The following ITGA9 variants were observed in gnomAD, a reference collection of about 807,000 sequenced individuals.
The protein encoded by ITGA9 is integrin alpha-9.
ITGA9 carries 56 observed loss-of-function variants against 127.8 expected under a neutral mutation model. That is an observed-to-expected ratio of 0.44 (90% confidence interval 0.35 to 0.55). The LOEUF (loss-of-function observed/expected upper bound fraction) is 0.55, where lower values mean the gene tolerates loss of function less well. ITGA9 is among the 20% of genes least tolerant of loss of function. The pLI, the probability that ITGA9 is intolerant of heterozygous loss-of-function variation, is 0.00. For synonymous variants in ITGA9, 508 were observed against 514.5 expected, an observed-to-expected ratio of 0.99 and a Z score of 0.17; for missense variants, 1,196 against 1,347.1, an observed-to-expected ratio of 0.89 and a Z score of 1.76.
chr3:37,746,543 C>G (rs752518118), intron 22 of ITGA9, among the ~76,000 whole-genome samples: 2 of 152,192 alleles, frequency 1.3e-5, no homozygotes, highest in Non-Finnish European at 2.9e-5. Context: ...AATACAAGCT[C>G]TCCTGTCCTC....
chr3:37,567,927 C>G (rs755513576), intron 15 of ITGA9, among the ~76,000 whole-genome samples: 1 of 152,140 alleles, frequency 6.6e-6, no homozygotes, highest in East Asian at 1.9e-4. Context: ...GTTGGTGGAT[C>G]TACCATTCTA....
At chr3:37,812,024 C>G (rs1402312564) in intron 27 of ITGA9, among the ~76,000 whole-genome samples, 2 of 152,216 alleles carry the variant, frequency 1.3e-5, no homozygotes, top group African/African-American at 4.8e-5. Flanking sequence ...GGCAACCCCT[C>G]CAGAGGTCAC....
chr3:37,591,220 A>G (rs985940583), intron 15 of ITGA9, among the ~76,000 whole-genome samples: 2 of 152,128 alleles, frequency 1.3e-5, no homozygotes, highest in African/African-American at 4.8e-5. Flanking sequence ...CCTTTTCATC[A>G]TGTCTGTGTG....
At chr3:37,540,779 C>T (rs949337183) in intron 14 of ITGA9, among the ~76,000 whole-genome samples, 2 of 152,208 alleles carry the variant, frequency 1.3e-5, no homozygotes, top group African/African-American at 4.8e-5. Flanking sequence ...GTGACACTTG[C>T]ACAGGTGCCA....
At chr3:37,709,062 G>A (rs1455099223) in intron 18 of ITGA9, among the ~76,000 whole-genome samples, 1 of 151,990 alleles carries the variant, frequency 6.6e-6, no homozygotes, top group Non-Finnish European at 1.5e-5. Flanking sequence ...TTTTTTTAAT[G>A]CTGCCTCAAT....
intron 15 of ITGA9, among the ~76,000 whole-genome samples, chr3:37,600,461 A>AG (rs1699912104): frequency 6.6e-6 from 1 of 151,956 alleles, no homozygotes; most frequent in Non-Finnish European, 1.5e-5. Context: ...AGCCCCACAC[A>AG]TACTCTTTGT....
At position 37,533,475 on chromosome 3, in the gene ITGA9, A is replaced by G; in HGVS notation, c.1528+7A>G. The G allele has an allele frequency of 1.2e-6, 2 of 1,613,952 alleles. No individual in the cohort carries two copies. Among genetic ancestry groups the G allele is most frequent in the Non-Finnish European group, 1.7e-6 (2 of 1,179,984 alleles). On this transcript the variant is annotated splice_region_variant and intron_variant, in intron 14 of 27. Coordinates refer to ENST00000264741, the MANE Select transcript of ITGA9 (RefSeq NM_002207.3). ...CACGTTCCAGGAGAGATTGGTAATG[A>G]GCCACCAAGTCAGGGCTCAGGATAC...
At chr3:37,513,709 T>C in intron 8 of ITGA9, 54 bp from the exon 9 acceptor site, 2 of 1,606,326 alleles carry the variant, frequency 1.2e-6, no homozygotes, top group Non-Finnish European at 1.7e-6. Flanking sequence ...AGCGAGGGCA[T>C]CCTTGTGTGA....
chr3:37,588,968 G>C (rs913766194), intron 15 of ITGA9, among the ~76,000 whole-genome samples: 1 of 152,202 alleles, frequency 6.6e-6, no homozygotes, highest in Non-Finnish European at 1.5e-5. Flanking sequence ...AGGCTCTGCT[G>C]CAGGGACAGG....
At chr3:37,622,137 C>T (rs1450642013) in intron 15 of ITGA9, among the ~76,000 whole-genome samples, 1 of 139,832 alleles carries the variant, frequency 7.2e-6, no homozygotes, top group Non-Finnish European at 1.5e-5. Flanking sequence ...TGTTTGTTTA[C>T]TTTTTTTTTT....
At chr3:37,647,797 T>C (rs1700393178) in intron 16 of ITGA9, among the ~76,000 whole-genome samples, 1 of 152,220 alleles carries the variant, frequency 6.6e-6, no homozygotes, top group African/African-American at 2.4e-5. Flanking sequence ...TTATCAAAAA[T>C]GGCAGGATCT....
intron 1 of ITGA9, among the ~76,000 whole-genome samples, chr3:37,454,272 C>T (rs987989072): frequency 6.6e-5 from 10 of 152,176 alleles, no homozygotes; most frequent in Non-Finnish European, 1.3e-4. Flanking sequence ...TTGCATGGGC[C>T]ACAGGTCAAA....
At chr3:37,514,135 G>A (rs1327570262) in intron 9 of ITGA9, among the ~76,000 whole-genome samples, 1 of 152,196 alleles carries the variant, frequency 6.6e-6, no homozygotes, top group Non-Finnish European at 1.5e-5. Context: ...TGTCTTTTGA[G>A]TGCTTACTAT....
chr3:37,506,230 C>T (rs899614610), intron 7 of ITGA9, 145 bp downstream of exon 7: 117 of 711,688 alleles, frequency 1.6e-4, no homozygotes, highest in Non-Finnish European at 2.6e-5. Flanking sequence ...CCCTGACTGC[C>T]CCACTCCATT....
rs1451822093 is a variant in ITGA9, at chr3:37,533,344, C to T, written c.1404C>T (p.Ser468=). The change falls in exon 14 of 28, where the codon TCC becomes TCT. Residue 468 remains serine (S), a synonymous_variant. Transcript: ENST00000264741. ...RARPVITVDV[S]IFLPGSINIT... is the part of the protein sequence containing the mutation. Reference sequence around the variant, plus strand: ...GGCCTGTCATTACGGTGGATGTCTCCATCTTCCTCCCGGGCTCCATCAACA... The same window carrying T: ...GGCCTGTCATTACGGTGGATGTCTCTATCTTCCTCCCGGGCTCCATCAACA... 1.9e-6 allele frequency: 3 copies of T among 1,614,110 alleles called. No homozygotes were observed. The highest frequency in any genetic ancestry group is 2.5e-6 in the Non-Finnish European group (3 of 1,180,050).
intron 18 of ITGA9, among the ~76,000 whole-genome samples, chr3:37,713,368 A>G (rs1701099177): frequency 2.0e-5 from 3 of 152,162 alleles, no homozygotes; most frequent in Non-Finnish European, 2.9e-5. Flanking sequence ...TTAAAAATCC[A>G]TCAGCTGAGG....
Position 37,806,971 on chromosome 3 carries a change from T to G in ITGA9, c.3009+3029T>G, listed in dbSNP as rs145853267. 1 of 152,190 alleles carries G rather than the reference T, an allele frequency of 6.6e-6. No individual in the cohort carries two copies. The highest frequency in any genetic ancestry group is 2.4e-5 in the African/African-American group (1 of 41,426). 9.4% of individuals were successfully genotyped at this position (152,190 alleles called of 1,614,324 possible). ...ACTTGACCGCCTCACCACCTAGCAA[T>G]AGACCTGCAGGCATAATGGAGGGTG... is the stretch of plus-strand genomic sequence containing the variant. On this transcript the variant is annotated intron_variant, in intron 27 of 27. Coordinates refer to ENST00000264741, the MANE Select transcript of ITGA9 (RefSeq NM_002207.3). The surrounding 1 kb of genome is among the most constrained non-coding windows in gnomAD (Gnocchi z 4.3).
intron 18 of ITGA9, among the ~76,000 whole-genome samples, chr3:37,707,880 A>G (rs1263224511): frequency 1.3e-5 from 2 of 152,176 alleles, no homozygotes; most frequent in Non-Finnish European, 2.9e-5. Flanking sequence ...GGCTGGCAGC[A>G]CAGGCTCTGC....
At chr3:37,615,436 T>C (rs1366061509) in intron 15 of ITGA9, among the ~76,000 whole-genome samples, 1 of 152,192 alleles carries the variant, frequency 6.6e-6, no homozygotes, top group East Asian at 1.9e-4. Flanking sequence ...TCTTTTTTGG[T>C]TGTGTCTCTG....
Sources: gnomAD v4.1 joint callset for allele counts (sites outside exome capture counted in the v4.1 genomes callset) on GRCh38, gnomAD v4.1.1 for gene constraint, Gnocchi (gnomAD v3.1) non-coding constraint, MANE v1.5 for transcripts, NCBI Gene and HGNC (gene_info 2026-07-23, HGNC 2026-07-21) for gene names.